CAND2: variants seen among roughly 807,000 people sequenced by gnomAD.
The protein encoded by CAND2 is cullin associated and neddylation dissociated 2 (putative).
Under a neutral mutation model 98.9 loss-of-function variants are expected in CAND2, and 62 were observed. The ratio of observed to expected loss-of-function variants is 0.63; its 90% CI spans 0.51 to 0.77. The LOEUF is 0.77. CAND2 is among the 30% of genes least tolerant of loss of function. The probability of loss-of-function intolerance (pLI) is 0.00; values close to 1 mark genes in which losing one functional copy is unlikely to be tolerated. For synonymous variants in CAND2, 770 were observed against 731.9 expected, an observed-to-expected ratio of 1.05 and a Z score of -0.84; for missense variants, 1,501 against 1,655.2, an observed-to-expected ratio of 0.91 and a Z score of 1.62.
chr3:12,824,863 A>G (rs1270717106), intron 11 of CAND2, among the ~76,000 whole-genome samples: 1 of 151,770 alleles, frequency 6.6e-6, no homozygotes, highest in African/African-American at 2.4e-5. Context: ...TGCCGAGATC[A>G]CACCACTGCA....
intron 10 of CAND2, 93 bp downstream of exon 10, chr3:12,817,969 A>C: frequency 1.7e-6 from 2 of 1,156,320 alleles, no homozygotes; most frequent in Non-Finnish European, 2.4e-6. Flanking sequence ...GAGCTATTTC[A>C]AGTCACTGGA....
chr3:12,808,638 T>C (rs2061825765), intron 4 of CAND2, among the ~76,000 whole-genome samples: 6 of 152,032 alleles, frequency 3.9e-5, no homozygotes, highest in Admixed American at 3.3e-4. Flanking sequence ...TTCACAGACA[T>C]GTATAAAACT....
intron 2 of CAND2, 64 bp downstream of exon 2, chr3:12,803,695 C>T (rs1453187365): frequency 1.4e-6 from 2 of 1,463,542 alleles, no homozygotes; most frequent in East Asian, 4.8e-5. Context: ...ATCCTGGGGA[C>T]CGCTGTCCCT....
chr3:12,807,525 G>GAA, intron 3 of CAND2, 65 bp downstream of exon 3: 3 of 1,390,964 alleles, frequency 2.2e-6, no homozygotes, highest in Non-Finnish European at 9.5e-7. Flanking sequence ...AAAAACAAAC[G>GAA]AAAAAACAAA....
chr3:12,834,439 G>T lies in CAND2; in HGVS notation c.*457G>T, dbSNP rs963677426. On this transcript the variant is annotated 3_prime_UTR_variant, in exon 15 of 15. Coordinates refer to ENST00000456430, the MANE Select transcript of CAND2 (RefSeq NM_001162499.2). ...AGTGCTCAGGCCGGGCATCTCAAAA[G>T]AAAAGATACTTGAGTTATTCACATT... 3.7e-5 allele frequency: 6 copies of T among 160,064 alleles called. No individual in the cohort carries two copies. In the East Asian group the frequency reaches 1.1e-3, roughly 29 times the overall value. The allele number at this position is 160,064 out of a possible 1,614,324, so 9.9% of individuals were successfully genotyped here.
At chr3:12,828,594 G>A (rs527585515) in intron 13 of CAND2, among the ~76,000 whole-genome samples, 84 of 152,150 alleles carry the variant, frequency 5.5e-4, no homozygotes, top group African/African-American at 1.9e-3. Flanking sequence ...TGCCTGCCCT[G>A]GCCTCCCAAA....
chr3:12,830,920 A>G (rs1273265564), intron 13 of CAND2, among the ~76,000 whole-genome samples: 1 of 152,200 alleles, frequency 6.6e-6, no homozygotes, highest in Non-Finnish European at 1.5e-5. Context: ...ATGGTGTGCA[A>G]GGCTTCTTTG....
chr3:12,808,381 CAGGG>C lies in CAND2; in HGVS notation c.491+54_491+57del, dbSNP rs765082518. 7.8e-6 allele frequency: 12 copies of C among 1,544,334 alleles called. No homozygotes were observed. In the South Asian group the frequency reaches 1.3e-4, roughly 17 times the overall value. ...TTGAGGAAGAGTGGGTAAAAGGGGA[CAGGG>C]AGGGACTCAAATCACAGAGCTAGCA... On this transcript the variant is annotated intron_variant, in intron 4 of 14. Coordinates refer to ENST00000456430, the MANE Select transcript of CAND2 (RefSeq NM_001162499.2).
chr3:12,821,589 A>C (rs1200230635), intron 11 of CAND2, among the ~76,000 whole-genome samples: 3 of 152,108 alleles, frequency 2.0e-5, no homozygotes, highest in Non-Finnish European at 4.4e-5. Context: ...CTCCGGCCTG[A>C]TTTCCTCCAT....
intron 1 of CAND2, among the ~76,000 whole-genome samples, chr3:12,800,032 A>C (rs2061754837): frequency 6.6e-6 from 1 of 152,190 alleles, no homozygotes; most frequent in African/African-American, 2.4e-5. Context: ...GCAGAAACAC[A>C]ACTTGGAGAC....
chr3:12,822,387 G>T (rs939831846), intron 11 of CAND2, among the ~76,000 whole-genome samples: 1 of 149,804 alleles, frequency 6.7e-6, no homozygotes, highest in Non-Finnish European at 1.5e-5. Flanking sequence ...CTGCCTCTCA[G>T]GCTCAAGCAA....
rs370623429 is a variant in CAND2 at position 12,817,068 on chromosome 3, G to C, written c.2136G>C (p.Gln712His). 152 of 1,612,774 alleles carry C rather than the reference G, an allele frequency of 9.4e-5. No homozygotes were observed. Among genetic ancestry groups the C allele is most frequent in the Non-Finnish European group, 1.2e-4 (142 of 1,179,996 alleles). Reference protein sequence around the residue: ...LVNESDMHVAQLAVDFLATVT... With the variant: ...LVNESDMHVAHLAVDFLATVT... ...ACGAGAGCGACATGCATGTGGCCCA[G>C]CTGGCTGTGGACTTCCTTGCCACAG... The change falls in exon 10 of 15, where the codon CAG becomes CAC. Residue 712 changes from glutamine to histidine, a missense_variant. By Grantham distance (24) the Gln-to-His change is conservative. This residue lies in a region of CAND2 where 1,427 missense variants were observed against 1,545.3 expected (regional missense o/e 0.92). Coordinates refer to ENST00000456430, the MANE Select transcript of CAND2 (RefSeq NM_001162499.2).
chr3:12,827,982 CAA>C (rs199943213), intron 13 of CAND2, among the ~76,000 whole-genome samples: 21 of 121,366 alleles, frequency 1.7e-4, no homozygotes, highest in South Asian at 2.6e-4. Flanking sequence ...GACCCTGTCT[CAA>C]AAAAAAAAAA....
chr3:12,822,968 A>G (rs1484485631), intron 11 of CAND2, among the ~76,000 whole-genome samples: 3 of 151,460 alleles, frequency 2.0e-5, no homozygotes, highest in African/African-American at 7.3e-5. Flanking sequence ...CTACCTACCT[A>G]CCCACCTATT....
intron 13 of CAND2, among the ~76,000 whole-genome samples, chr3:12,828,773 C>T (rs183571262): frequency 5.1e-4 from 77 of 152,332 alleles, no homozygotes; most frequent in Admixed American, 2.4e-3. Context: ...ATTCAACACT[C>T]TATGAATTTG....
At chr3:12,823,034 T>A (rs566542478) in intron 11 of CAND2, among the ~76,000 whole-genome samples, 29 of 152,200 alleles carry the variant, frequency 1.9e-4, no homozygotes, top group Non-Finnish European at 4.0e-4. Flanking sequence ...CCTTTCCATA[T>A]GTGTAACTCC....
At chr3:12,830,681 C>T (rs755153382) in intron 13 of CAND2, among the ~76,000 whole-genome samples, 11 of 152,240 alleles carry the variant, frequency 7.2e-5, no homozygotes, top group Non-Finnish European at 1.5e-5. Flanking sequence ...GTCATCAAGT[C>T]TTCAAGTGAG....
At chr3:12,803,090 C>T (rs746645735) in intron 1 of CAND2, among the ~76,000 whole-genome samples, 26 of 150,530 alleles carry the variant, frequency 1.7e-4, no homozygotes, top group South Asian at 6.3e-4. Flanking sequence ...CCCGGGTTCA[C>T]GCCATTCTCC....
At chr3:12,831,639 G>A (rs904658620) in intron 14 of CAND2, 67 bp downstream of exon 14, 14 of 1,025,878 alleles carry the variant, frequency 1.4e-5, no homozygotes, top group African/African-American at 3.2e-5. Flanking sequence ...CAGTCGTTCA[G>A]TTACCCTTAC....
Sources: gnomAD v4.1 joint callset for allele counts (sites outside exome capture counted in the v4.1 genomes callset) on GRCh38, gnomAD v4.1.1 for gene constraint, gnomAD v4.1.1 regional missense constraint, MANE v1.5 for transcripts, NCBI Gene and HGNC (gene_info 2026-07-23, HGNC 2026-07-21) for gene names.